ACO2: variants seen among roughly 807,000 people sequenced by gnomAD.
ACO2 encodes aconitate hydratase, mitochondrial.
A neutral mutation model predicts 84.5 loss-of-function variants in ACO2; 31 were observed. The observed-to-expected ratio is 0.37, with a 90% CI of 0.28 to 0.50. ACO2 has a LOEUF of 0.50. Ranked by LOEUF, ACO2 falls within the 20% of genes least tolerant of loss-of-function variation. The probability of loss-of-function intolerance (pLI) is 0.97; values close to 1 mark genes in which losing one functional copy is unlikely to be tolerated. For missense variants in ACO2, 685 were observed against 1,029.3 expected (o/e 0.67, Z 4.58); for synonymous variants, 414 against 412.7 (o/e 1.00, Z -0.04).
rs533928595 is a variant in ACO2 at position 41,512,512 on chromosome 22, G to A, written c.525+544G>A. ...AGGGACACCTAGCTGGCTTACTGTG[G>A]AGCCAGGCCTGTGGGCAGGAGGGCT... On this transcript the variant is annotated intron_variant, in intron 4 of 17. Transcript: ENST00000216254. Among the ~76,000 whole-genome samples, 7 of 152,320 alleles carry A rather than the reference G, an allele frequency of 4.6e-5. No homozygotes were observed. In the South Asian group the frequency reaches 1.5e-3, roughly 32 times the overall value.
chr22:41,505,505 G>A (rs942341879), intron 2 of ACO2, among the ~76,000 whole-genome samples: 2 of 152,048 alleles, frequency 1.3e-5, no homozygotes, highest in Non-Finnish European at 2.9e-5. Flanking sequence ...TCCAGGTGTG[G>A]AGAGACCGGG....
intron 1 of ACO2, among the ~76,000 whole-genome samples, chr22:41,496,997 C>G (rs1381883424): frequency 6.6e-6 from 1 of 152,130 alleles, no homozygotes; most frequent in Non-Finnish European, 1.5e-5. Context: ...TGCCTCTTCC[C>G]TTACCCAAGG....
At chr22:41,473,161 G>A (rs1260925568) in intron 1 of ACO2, among the ~76,000 whole-genome samples, 1 of 152,096 alleles carries the variant, frequency 6.6e-6, no homozygotes, top group East Asian at 1.9e-4. Context: ...CCATCCTGAG[G>A]ATTAAGGGAG....
chr22:41,521,747 G>A (rs2066528303), intron 9 of ACO2, among the ~76,000 whole-genome samples: 1 of 151,180 alleles, frequency 6.6e-6, no homozygotes, highest in African/African-American at 2.4e-5. Flanking sequence ...ATCTTGGCTG[G>A]TTATATGGGC....
chr22:41,502,851 C>A (rs2146109561), intron 2 of ACO2, among the ~76,000 whole-genome samples: 1 of 152,056 alleles, frequency 6.6e-6, no homozygotes, highest in East Asian at 1.9e-4. Flanking sequence ...CTCAAGTGAT[C>A]CACCTGTCTC....
intron 10 of ACO2, 38 bp from the exon 11 acceptor site, chr22:41,523,167 C>G (rs760553974): frequency 4.2e-5 from 66 of 1,587,174 alleles, no homozygotes; most frequent in Non-Finnish European, 5.7e-5. Flanking sequence ...CAGACTCTCA[C>G]CCACCCTTGA....
intron 15 of ACO2, chr22:41,526,885 G>T: frequency 3.1e-6 from 1 of 322,716 alleles, no homozygotes; most frequent in Non-Finnish European, 5.8e-6. Context: ...CGGGTGAAAG[G>T]ACTCTGGCAC....
At chr22:41,473,568 G>T (rs941497491) in intron 1 of ACO2, among the ~76,000 whole-genome samples, 1 of 152,216 alleles carries the variant, frequency 6.6e-6, no homozygotes, top group Non-Finnish European at 1.5e-5. Flanking sequence ...CACTGGGGGT[G>T]CAGTAGTGAA....
Position 41,523,243 on chromosome 22 carries a change from C to T in ACO2, c.1335C>T (p.Ala445=), listed in dbSNP as rs1274540307. The T allele has an allele frequency of 3.1e-6, 5 of 1,612,942 alleles. No homozygotes were observed. The highest frequency in any genetic ancestry group is 4.2e-6 in the Non-Finnish European group (5 of 1,179,372). The part of the protein sequence containing the change: ...ILRDLGGIVL[A]NACGPCIGQW... ...GGGATCTGGGTGGCATTGTCCTGGC[C>T]AATGCTTGTGGCCCCTGCATTGGCC... The change falls in exon 11 of 18, where the codon GCC becomes GCT. Residue 445 remains alanine, a synonymous_variant. Transcript: ENST00000216254.
At chr22:41,523,395 C>T in intron 11 of ACO2, 117 bp downstream of exon 11, 3 of 781,628 alleles carry the variant, frequency 3.8e-6, no homozygotes, top group South Asian at 3.7e-5. Context: ...TCTCTAGCTC[C>T]AGGGACTCTT....
In ACO2 at chr22:41,525,183, C is replaced by T; in HGVS notation, c.1606-10C>T. ...CTCAGCACCCCACGCATCCCCATTC[C>T]CTGCTGCAGGAGTTTGACCCAGGGC... On this transcript the variant is annotated splice_polypyrimidine_tract_variant and intron_variant, in intron 13 of 17. Transcript: ENST00000216254. The T allele has an allele frequency of 3.1e-6, 5 of 1,613,056 alleles. No homozygotes were observed. The highest frequency in any genetic ancestry group is 1.7e-4 in the Middle Eastern group (1 of 6,058).
At chr22:41,517,681 T>G (rs754637681) in intron 7 of ACO2, 50 bp downstream of exon 7, 1 of 1,501,700 alleles carries the variant, frequency 6.7e-7, no homozygotes. Context: ...ACATGCCCGC[T>G]CCTCCCCAAG....
intron 3 of ACO2, among the ~76,000 whole-genome samples, chr22:41,509,144 T>C (rs1475125444): frequency 6.6e-6 from 1 of 152,114 alleles, no homozygotes; most frequent in Non-Finnish European, 1.5e-5. Context: ...GAACTGCACA[T>C]GGCCGGGAAC....
At chr22:41,483,132 G>C (rs1404725941) in intron 1 of ACO2, among the ~76,000 whole-genome samples, 1 of 152,186 alleles carries the variant, frequency 6.6e-6, no homozygotes, top group Non-Finnish European at 1.5e-5. Context: ...CGCAGTGAAA[G>C]TATTTCTTCT....
intron 8 of ACO2, among the ~76,000 whole-genome samples, chr22:41,519,652 A>G (rs2066506240): frequency 6.6e-6 from 1 of 151,938 alleles, no homozygotes; most frequent in Admixed American, 6.6e-5. Flanking sequence ...AAAAAAATAC[A>G]AAAAAATTAG....
intron 15 of ACO2, 132 bp from the exon 16 acceptor site, chr22:41,527,156 G>T: frequency 1.5e-6 from 2 of 1,373,410 alleles, no homozygotes; most frequent in East Asian, 4.7e-5. Flanking sequence ...GCGAGGAAGG[G>T]CCCCTCCAGC....
intron 1 of ACO2, among the ~76,000 whole-genome samples, chr22:41,480,977 A>G (rs907704738): frequency 6.6e-6 from 1 of 151,872 alleles, no homozygotes; most frequent in Non-Finnish European, 1.5e-5. Flanking sequence ...TAATTTTTGT[A>G]TTTTTTTGTA....
At chr22:41,485,497 G>A (rs2038142123) in intron 1 of ACO2, among the ~76,000 whole-genome samples, 2 of 133,778 alleles carry the variant, frequency 1.5e-5, no homozygotes, top group African/African-American at 5.8e-5. Context: ...CTGGAGTGCA[G>A]TGGCACGATC....
chr22:41,511,203 C>T (rs1365420321), intron 3 of ACO2, among the ~76,000 whole-genome samples: 6 of 151,964 alleles, frequency 3.9e-5, no homozygotes, highest in Admixed American at 6.6e-5. Context: ...GAGACAGTCT[C>T]GCTCTGTCTT....
Sources: gnomAD v4.1 joint callset for allele counts (sites outside exome capture counted in the v4.1 genomes callset) on GRCh38, gnomAD v4.1.1 for gene constraint, MANE v1.5 for transcripts, NCBI Gene and HGNC (gene_info 2026-07-23, HGNC 2026-07-21) for gene names.